B3GALT1: variants seen among roughly 807,000 people sequenced by gnomAD.
B3GALT1 encodes the protein beta-1,3-galactosyltransferase 1.
A neutral mutation model predicts 23.2 loss-of-function variants in B3GALT1; 10 were observed. The observed-to-expected ratio is 0.43, with a 90% CI of 0.27 to 0.73. The LOEUF is 0.73. Ranked by LOEUF, B3GALT1 falls within the 30% of genes least tolerant of loss-of-function variation. B3GALT1 has a pLI of 0.21. For synonymous variants in B3GALT1, 156 were observed against 141.5 expected, an observed-to-expected ratio of 1.10 and a Z score of -0.73; for missense variants, 299 against 405.4, an observed-to-expected ratio of 0.74 and a Z score of 2.25.
chr2:167,491,121 G>A (rs1027408353), intron 2 of B3GALT1, among the ~76,000 whole-genome samples: 3 of 152,082 alleles, frequency 2.0e-5, no homozygotes, highest in African/African-American at 7.2e-5. Flanking sequence ...TGTACTTTTA[G>A]GCCTCACTTC....
chr2:167,748,624 G>A (rs1427098234), intron 3 of B3GALT1, among the ~76,000 whole-genome samples: 11 of 152,212 alleles, frequency 7.2e-5, no homozygotes, highest in East Asian at 1.9e-4. Context: ...TGCATGACTC[G>A]GAATGTCAGG....
At chr2:167,639,475 G>C (rs1321158557) in intron 2 of B3GALT1, among the ~76,000 whole-genome samples, 1 of 151,932 alleles carries the variant, frequency 6.6e-6, no homozygotes, top group Non-Finnish European at 1.5e-5. Flanking sequence ...AACACATTAA[G>C]GAAAGAAAGC....
chr2:167,780,696 A>G (rs904945600), intron 3 of B3GALT1, among the ~76,000 whole-genome samples: 30 of 152,196 alleles, frequency 2.0e-4, no homozygotes, highest in Admixed American at 5.9e-4. Flanking sequence ...TCTGGAATCA[A>G]AGATGTGATC....
At chr2:167,456,526 A>G (rs1263047365) in intron 1 of B3GALT1, among the ~76,000 whole-genome samples, 10 of 152,160 alleles carry the variant, frequency 6.6e-5, no homozygotes, top group Admixed American at 6.5e-4. Flanking sequence ...TAAAACTTTT[A>G]GAAGAAAACT....
intron 3 of B3GALT1, among the ~76,000 whole-genome samples, chr2:167,749,416 C>T (rs945737635): frequency 2.6e-4 from 39 of 152,168 alleles, no homozygotes; most frequent in Non-Finnish European, 5.9e-5. Context: ...ATGTACCTTA[C>T]CCCATGTTCC....
chr2:167,542,747 T>C (rs1026693366), intron 2 of B3GALT1, among the ~76,000 whole-genome samples: 2 of 151,872 alleles, frequency 1.3e-5, no homozygotes, highest in East Asian at 3.9e-4. Flanking sequence ...TTACATAGAA[T>C]GGGCAGAATC....
chr2:167,442,437 C>A (rs910724934), intron 1 of B3GALT1, among the ~76,000 whole-genome samples: 1 of 151,944 alleles, frequency 6.6e-6, no homozygotes, highest in African/African-American at 2.4e-5. Context: ...AGTTCTAGAT[C>A]CCTGAGGAAT....
chr2:167,676,351 G>A (rs1465583623), intron 3 of B3GALT1, among the ~76,000 whole-genome samples: 1 of 152,088 alleles, frequency 6.6e-6, no homozygotes, highest in Admixed American at 6.5e-5. Flanking sequence ...GAAGCAGAAA[G>A]TACTGACAGT....
At chr2:167,294,436 T>G (rs1292818276) in intron 1 of B3GALT1, among the ~76,000 whole-genome samples, 1 of 152,240 alleles carries the variant, frequency 6.6e-6, no homozygotes, top group Non-Finnish European at 1.5e-5. Flanking sequence ...TGCAAAGCCT[T>G]CCGCAGAAGG....
chr2:167,664,196 A>C (rs77276879), intron 3 of B3GALT1, among the ~76,000 whole-genome samples: 54,991 of 147,062 alleles, frequency 0.37, 11,924 homozygotes, highest in Middle Eastern at 0.56. Context: ...CCAGTTTTCC[A>C]AGCACCATTT....
At chr2:167,818,966 A>G (rs1459916003) in intron 4 of B3GALT1, among the ~76,000 whole-genome samples, 173 bp downstream of exon 4, 4 of 151,578 alleles carry the variant, frequency 2.6e-5, no homozygotes, top group Non-Finnish European at 5.9e-5. Flanking sequence ...AGTATGCAAA[A>G]TATCCTTGCC....
intron 3 of B3GALT1, among the ~76,000 whole-genome samples, chr2:167,703,706 T>A (rs908944129): frequency 6.6e-6 from 1 of 152,190 alleles, no homozygotes; most frequent in East Asian, 1.9e-4. Flanking sequence ...AAATCTGGAA[T>A]GCTTATAAAT....
chr2:167,382,484 TTTC>T (rs1697860071), intron 1 of B3GALT1, among the ~76,000 whole-genome samples: 1 of 152,114 alleles, frequency 6.6e-6, no homozygotes, highest in East Asian at 1.9e-4. Context: ...CCTTCCTCCT[TTTC>T]TTCTTTTCTT....
At chr2:167,863,986 A>ATG (rs1182774237) in intron 4 of B3GALT1, among the ~76,000 whole-genome samples, 37 of 132,206 alleles carry the variant, frequency 2.8e-4, no homozygotes, top group East Asian at 2.6e-3. Flanking sequence ...GCATGCATGT[A>ATG]TGTATGTGTG....
chr2:167,731,699 C>A lies in B3GALT1; in HGVS notation c.-352+84733C>A, dbSNP rs138816710. On this transcript the variant is annotated intron_variant, in intron 3 of 4. Transcript: ENST00000392690. ...AACCAGGTTTTACTGCAGGCATCTC[C>A]CATTTACATGGCATAATTTAAAATT... Among the ~76,000 whole-genome samples the A allele has an allele frequency of 1.1e-3, 171 of 149,732 alleles. 5 individuals carry two copies. The East Asian group carries it at 0.027, about 24-fold the overall frequency.
chr2:167,473,700 ACCACATGAGTGAACCAAG>A (rs1699449791), intron 1 of B3GALT1, among the ~76,000 whole-genome samples: 1 of 152,130 alleles, frequency 6.6e-6, no homozygotes, highest in South Asian at 2.1e-4. Context: ...GAAGAAGGTG[ACCACATGAGTGAACCAAG>A]GCTGGGAAAG....
chr2:167,400,491 G>T (rs1698171032), intron 1 of B3GALT1, among the ~76,000 whole-genome samples: 2 of 151,678 alleles, frequency 1.3e-5, no homozygotes, highest in African/African-American at 4.9e-5. Flanking sequence ...GCACATCTCT[G>T]TCTATTTCCT....
intron 1 of B3GALT1, among the ~76,000 whole-genome samples, chr2:167,404,251 G>A (rs2105291012): frequency 6.6e-6 from 1 of 152,192 alleles, no homozygotes; most frequent in Middle Eastern, 3.4e-3. Flanking sequence ...ATTACTGCCA[G>A]GATGACACCA....
intron 2 of B3GALT1, among the ~76,000 whole-genome samples, chr2:167,601,783 TA>T (rs1489583692): frequency 4.6e-5 from 7 of 152,196 alleles, no homozygotes; most frequent in Non-Finnish European, 1.0e-4. Context: ...TGACACCAAA[TA>T]AAATAATTTA....
Sources: gnomAD v4.1 joint callset for allele counts (sites outside exome capture counted in the v4.1 genomes callset) on GRCh38, gnomAD v4.1.1 for gene constraint, MANE v1.5 for transcripts, NCBI Gene and HGNC (gene_info 2026-07-23, HGNC 2026-07-21) for gene names.